The following PCDH15 variants were observed in gnomAD, a reference collection of about 807,000 sequenced individuals.
PCDH15 encodes protocadherin related 15.
Under a neutral mutation model 178.5 loss-of-function variants are expected in PCDH15, and 129 were observed. That is an observed-to-expected ratio of 0.72 (90% CI 0.63 to 0.84). PCDH15 has a LOEUF of 0.84. PCDH15 is among the 40% of genes least tolerant of loss of function. The pLI is 0.00. For synonymous variants in PCDH15, 800 were observed against 732.0 expected, an observed-to-expected ratio of 1.09 and a Z score of -1.50; for missense variants, 2,230 against 2,099.9, an observed-to-expected ratio of 1.06 and a Z score of -1.21.
At chr10:55,508,047 A>G (rs761542463) in intron 2 of PCDH15, among the ~76,000 whole-genome samples, 2 of 151,682 alleles carry the variant, frequency 1.3e-5, no homozygotes, top group Non-Finnish European at 3.0e-5. Flanking sequence ...TTATTTTAGA[A>G]AAAACATCCC....
At chr10:55,051,960 C>A (rs927173554) in intron 2 of PCDH15, among the ~76,000 whole-genome samples, 4 of 151,646 alleles carry the variant, frequency 2.6e-5, no homozygotes, top group Admixed American at 2.6e-4. Flanking sequence ...GTATATATAC[C>A]CATAGATAGG....
intron 14 of PCDH15, among the ~76,000 whole-genome samples, chr10:54,139,605 C>T (rs2043205960): frequency 1.3e-5 from 2 of 152,056 alleles, no homozygotes; most frequent in South Asian, 4.1e-4. Flanking sequence ...TTTCTTGCTT[C>T]TCAGATGTTC....
chr10:55,498,450 A>G (rs1840584444), intron 2 of PCDH15, among the ~76,000 whole-genome samples: 1 of 151,870 alleles, frequency 6.6e-6, no homozygotes, highest in Non-Finnish European at 1.5e-5. Context: ...AAAACTGTTC[A>G]AGTGACCTAC....
intron 2 of PCDH15, among the ~76,000 whole-genome samples, chr10:55,036,469 T>A (rs915056943): frequency 6.6e-6 from 1 of 152,114 alleles, no homozygotes; most frequent in Non-Finnish European, 1.5e-5. Context: ...GGTTCCCTAC[T>A]CTGTAGTATA....
chr10:55,039,708 T>G (rs777662774), intron 2 of PCDH15, among the ~76,000 whole-genome samples: 3 of 152,112 alleles, frequency 2.0e-5, no homozygotes, highest in Admixed American at 1.3e-4. Flanking sequence ...AATGTAAAAG[T>G]GGCAAGTGTG....
chr10:55,052,590 T>C (rs1841194185), intron 2 of PCDH15, among the ~76,000 whole-genome samples: 1 of 142,678 alleles, frequency 7.0e-6, no homozygotes, highest in Non-Finnish European at 1.5e-5. Context: ...TGTGTGCCTG[T>C]AGTCCCAGCT....
intron 29 of PCDH15, among the ~76,000 whole-genome samples, chr10:53,833,382 G>A (rs1289304315): frequency 2.6e-5 from 4 of 152,004 alleles, no homozygotes; most frequent in Non-Finnish European, 4.4e-5. Flanking sequence ...TTTACTAGAA[G>A]GATGGATCAC....
At chr10:54,617,755 C>CAAAAAAAAAA (rs71010398) in intron 2 of PCDH15, among the ~76,000 whole-genome samples, 1 of 117,132 alleles carries the variant, frequency 8.5e-6, no homozygotes, top group African/African-American at 3.4e-5. Context: ...TCTAAAAATA[C>CAAAAAAAAAA]AAAAAAAAAA....
chr10:54,795,832 C>A lies in PCDH15; in HGVS notation c.-29+5093G>T, dbSNP rs1024489068. The stretch of plus-strand genomic sequence containing the variant: ...GATGCCTTGACCTCTGATGACAATG[C>A]TTTTGCTTTCAAGAATTATACCTAA... On this transcript the variant is annotated intron_variant, in intron 1 of 37. Coordinates refer to ENST00000644397, the MANE Select transcript of PCDH15 (RefSeq NM_001384140.1). Among the ~76,000 whole-genome samples, 6 of 151,924 alleles carry A rather than the reference C, an allele frequency of 3.9e-5. No individual in the cohort carries two copies. In the East Asian group the frequency reaches 1.2e-3, roughly 30 times the overall value.
At position 54,848,781 on chromosome 10, in the gene PCDH15, A is replaced by G. The variant is rs541368519; in HGVS notation, c.-29+48669T>C. ...ACTTCACATATATTTATTTCATTCA[A>G]TCTTCAAGAATTTGTTGTAAACCTG... On this transcript the variant is annotated intron_variant, in intron 3 of 5. Coordinates refer to the PCDH15 transcript ENST00000458638. 6.6e-5 allele frequency among the ~76,000 whole-genome samples: 10 copies of G among 152,272 alleles called. No individual in the cohort carries two copies. In the East Asian group the frequency reaches 1.2e-3, roughly 18 times the overall value.
intron 2 of PCDH15, among the ~76,000 whole-genome samples, chr10:55,057,123 C>T (rs1841326195): frequency 6.6e-6 from 1 of 152,120 alleles, no homozygotes; most frequent in Non-Finnish European, 1.5e-5. Flanking sequence ...CTACCCTGTG[C>T]TATCGTCAGA....
chr10:54,616,336 C>G, intron 2 of PCDH15, among the ~76,000 whole-genome samples: 1 of 151,992 alleles, frequency 6.6e-6, no homozygotes, highest in East Asian at 1.9e-4. Context: ...AAAATTAGGT[C>G]AGGTATAAAG....
At chr10:54,674,110 G>A (rs1172721788) in intron 1 of PCDH15, among the ~76,000 whole-genome samples, 1 of 152,114 alleles carries the variant, frequency 6.6e-6, no homozygotes, top group Non-Finnish European at 1.5e-5. Flanking sequence ...TGCAGAGGCA[G>A]AATCAACATT....
At chr10:55,394,840 C>T (rs1192807833) in intron 2 of PCDH15, among the ~76,000 whole-genome samples, 1 of 152,002 alleles carries the variant, frequency 6.6e-6, no homozygotes, top group African/African-American at 2.4e-5. Context: ...TACATGTGCT[C>T]ATTTATCAGT....
chr10:55,066,582 A>G (rs1319426863), intron 2 of PCDH15, among the ~76,000 whole-genome samples: 2 of 147,718 alleles, frequency 1.4e-5, no homozygotes, highest in African/African-American at 4.9e-5. Context: ...GAGTCTTGGG[A>G]TTGATTTATT....
At chr10:54,439,819 G>A (rs1458258140) in intron 3 of PCDH15, among the ~76,000 whole-genome samples, 8 of 151,900 alleles carry the variant, frequency 5.3e-5, no homozygotes, top group Non-Finnish European at 1.2e-4. Flanking sequence ...GAGTAGAAAC[G>A]ACTTTTCAAT....
At chr10:54,870,649 G>A (rs1043823265) in intron 3 of PCDH15, among the ~76,000 whole-genome samples, 3 of 151,970 alleles carry the variant, frequency 2.0e-5, no homozygotes, top group Admixed American at 6.6e-5. Context: ...AGCCGGGCGT[G>A]GTGGCGGGCG....
chr10:55,030,379 G>A (rs1840579847), intron 2 of PCDH15, among the ~76,000 whole-genome samples: 2 of 152,092 alleles, frequency 1.3e-5, no homozygotes, highest in Admixed American at 1.3e-4. Context: ...TTTCTACAGT[G>A]GTGAAGTTGA....
At chr10:54,117,974 G>A (rs986189048) in intron 15 of PCDH15, among the ~76,000 whole-genome samples, 17 of 152,140 alleles carry the variant, frequency 1.1e-4, no homozygotes, top group African/African-American at 3.1e-4. Flanking sequence ...CTGCCGAACT[G>A]ACAGCTGGGC....
Sources: gnomAD v4.1 joint callset for allele counts (sites outside exome capture counted in the v4.1 genomes callset) on GRCh38, gnomAD v4.1.1 for gene constraint, MANE v1.5 for transcripts, NCBI Gene and HGNC (gene_info 2026-07-23, HGNC 2026-07-21) for gene names.